Variants in GNG2 observed in about 807,000 individuals in gnomAD.
GNG2 encodes the protein guanine nucleotide-binding protein G(I)/G(S)/G(O) subunit gamma-2.
Under a neutral mutation model 5.5 loss-of-function variants are expected in GNG2, and 5 were observed. The ratio of observed to expected loss-of-function variants is 0.91; its 90% CI spans 0.48 to 1.92. The LOEUF (loss-of-function observed/expected upper bound fraction) is 1.92, where lower values mean the gene tolerates loss of function less well. GNG2 is among the 30% of genes most tolerant of loss of function. GNG2 has a pLI of 0.01. For synonymous variants in GNG2, 28 were observed against 32.0 expected, an observed-to-expected ratio of 0.88 and a Z score of 0.42; for missense variants, 55 against 88.4, an observed-to-expected ratio of 0.62 and a Z score of 1.52.
chr14:51,927,704 A>G (rs1023435374), intron 2 of GNG2, among the ~76,000 whole-genome samples: 19 of 152,222 alleles, frequency 1.2e-4, no homozygotes, highest in African/African-American at 3.9e-4. Context: ...TCGTTTGATG[A>G]CACTGAGATT....
chr14:51,923,320 A>G (rs1347384610), intron 2 of GNG2, among the ~76,000 whole-genome samples: 3 of 152,282 alleles, frequency 2.0e-5, no homozygotes, highest in South Asian at 4.1e-4. Flanking sequence ...GCAAATTCAA[A>G]TCAGAAAGTT....
At chr14:51,864,506 C>T (rs7152036) in intron 1 of GNG2, among the ~76,000 whole-genome samples, 62,916 of 151,970 alleles carry the variant, frequency 0.41, 13,918 homozygotes, top group South Asian at 0.51. Flanking sequence ...ATTATCCCTG[C>T]GTAAATAAAA....
At chr14:51,895,018 C>A in intron 2 of GNG2, among the ~76,000 whole-genome samples, 5 of 144,650 alleles carry the variant, frequency 3.5e-5, no homozygotes, top group Non-Finnish European at 1.5e-5. Flanking sequence ...GTTGTAATTC[C>A]AAATAACAAA....
At chr14:51,909,728 T>G (rs1886180907) in intron 2 of GNG2, among the ~76,000 whole-genome samples, 1 of 152,320 alleles carries the variant, frequency 6.6e-6, no homozygotes, top group Middle Eastern at 3.4e-3. Context: ...GTGTAGCTCA[T>G]TTGTTAATAA....
At chr14:51,946,803 C>T (rs373281090) in intron 2 of GNG2, among the ~76,000 whole-genome samples, 7 of 152,258 alleles carry the variant, frequency 4.6e-5, no homozygotes, top group African/African-American at 1.4e-4. Flanking sequence ...GAATCTCACC[C>T]TTCACCCAAA....
intron 2 of GNG2, among the ~76,000 whole-genome samples, chr14:51,829,488 A>T (rs8015954): frequency 0.45 from 68,670 of 151,672 alleles, 16,227 homozygotes; most frequent in East Asian, 0.81. Context: ...TCACGTGTCA[A>T]CCCCCATCCT....
At chr14:51,891,332 G>A (rs559505259) in intron 2 of GNG2, among the ~76,000 whole-genome samples, 4 of 152,236 alleles carry the variant, frequency 2.6e-5, no homozygotes, top group African/African-American at 4.8e-5. Context: ...CTGGTCTTTC[G>A]TAGCTTCATA....
At chr14:51,911,356 C>T (rs77147133) in intron 2 of GNG2, among the ~76,000 whole-genome samples, 2,911 of 152,188 alleles carry the variant, frequency 0.019, 93 homozygotes, top group African/African-American at 0.067. Context: ...AGTCCCTAAC[C>T]AGTAACTTGG....
intron 2 of GNG2, among the ~76,000 whole-genome samples, chr14:51,829,272 C>T (rs1230608288): frequency 6.6e-6 from 1 of 152,180 alleles, no homozygotes; most frequent in Non-Finnish European, 1.5e-5. Context: ...TCATCATCTG[C>T]TGGCTTTCCA....
chr14:51,858,976 A>C (rs570069505), upstream of GNG2, among the ~76,000 whole-genome samples: 10 of 152,342 alleles, frequency 6.6e-5, no homozygotes, highest in South Asian at 2.1e-3. Flanking sequence ...GTCTCAGAAC[A>C]TTTCATAGAA....
intron 2 of GNG2, among the ~76,000 whole-genome samples, chr14:51,846,324 T>C (rs1175086279): frequency 6.6e-6 from 1 of 152,190 alleles, no homozygotes; most frequent in African/African-American, 2.4e-5. Context: ...TTACTAAAGA[T>C]GGATAATACC....
chr14:51,937,049 A>G (rs971623271), intron 2 of GNG2, among the ~76,000 whole-genome samples: 21 of 152,160 alleles, frequency 1.4e-4, no homozygotes, highest in Admixed American at 1.1e-3. Context: ...ATAGCTGTCT[A>G]TGCCCTTGGT....
intron 2 of GNG2, among the ~76,000 whole-genome samples, chr14:51,837,289 A>G (rs1193038288): frequency 2.0e-5 from 3 of 152,252 alleles, no homozygotes; most frequent in Admixed American, 1.3e-4. Flanking sequence ...AATAAAAGCT[A>G]AAGTTTATCA....
At chr14:51,966,323 T>G (rs1889917661) in intron 3 of GNG2, among the ~76,000 whole-genome samples, 1 of 151,496 alleles carries the variant, frequency 6.6e-6, no homozygotes, top group Non-Finnish European at 1.5e-5. Context: ...CTCCTTCGGT[T>G]CTGCACCCTA....
chr14:51,961,044 G>T, intron 3 of GNG2, among the ~76,000 whole-genome samples: 1 of 152,144 alleles, frequency 6.6e-6, no homozygotes, highest in East Asian at 1.9e-4. Context: ...GCTGAACTCT[G>T]TCTGGGTACT....
intron 1 of GNG2, among the ~76,000 whole-genome samples, chr14:51,865,290 G>C (rs1882799884): frequency 6.6e-6 from 1 of 152,060 alleles, no homozygotes; most frequent in Non-Finnish European, 1.5e-5. Flanking sequence ...TGGGAGAGGA[G>C]AGTTGCAGAG....
At chr14:51,893,532 C>T (rs909644839) in intron 2 of GNG2, among the ~76,000 whole-genome samples, 1 of 152,056 alleles carries the variant, frequency 6.6e-6, no homozygotes, top group Non-Finnish European at 1.5e-5. Flanking sequence ...TTTCCCAGCC[C>T]ATCATTTGTC....
At chr14:51,953,587 T>C (rs1461792743) in intron 3 of GNG2, among the ~76,000 whole-genome samples, 1 of 152,210 alleles carries the variant, frequency 6.6e-6, no homozygotes, top group Non-Finnish European at 1.5e-5. Context: ...CTTGATGTCA[T>C]TGGACCTTAC....
chr14:51,844,735 T>G (rs1234559563), intron 2 of GNG2, among the ~76,000 whole-genome samples: 1 of 152,104 alleles, frequency 6.6e-6, no homozygotes, highest in African/African-American at 2.4e-5. Flanking sequence ...TGCCACAATT[T>G]CTTTTTTTGA....
Sources: allele counts gnomAD v4.1 joint callset (sites outside exome capture counted in the v4.1 genomes callset), GRCh38; gene constraint gnomAD v4.1.1; transcripts MANE v1.5; gene names NCBI Gene and HGNC (gene_info 2026-07-23, HGNC 2026-07-21).